Variants in KDM2B observed in about 807,000 individuals in gnomAD.
KDM2B encodes the protein lysine demethylase 2B.
KDM2B carries 26 observed loss-of-function variants against 150.0 expected under a neutral mutation model. That is an observed-to-expected ratio of 0.17 (90% CI 0.13 to 0.24). The LOEUF is 0.24. KDM2B is among the 10% of genes least tolerant of loss of function. The pLI is 1.00. For missense variants in KDM2B, 1,265 were observed against 1,816.9 expected (o/e 0.70, Z 5.52); for synonymous variants, 734 against 729.5 (o/e 1.01, Z -0.10).
intron 11 of KDM2B, among the ~76,000 whole-genome samples, chr12:121,507,386 G>C (rs1394515990): frequency 2.0e-5 from 3 of 152,096 alleles, no homozygotes. Flanking sequence ...GTACTCCAAA[G>C]GGTTGTTGGA....
chr12:121,442,140 C>CA lies in KDM2B; in HGVS notation c.3284+16dup, dbSNP rs529747492. The CA allele has an allele frequency of 1.2e-6, 2 of 1,611,928 alleles. No individual in the cohort carries two copies. The highest frequency in any genetic ancestry group is 2.2e-5 in the South Asian group (2 of 91,030). On this transcript the variant is annotated intron_variant, in intron 19 of 22. Transcript: ENST00000377071. The surrounding 1 kb of genome is among the most constrained non-coding windows in gnomAD (Gnocchi z 7.7). ...GCCTGAGCCTTAACCTAGAGCCCTACACAGGCCGCCGCTCACCAGCGGTTC... is the reference window on the plus strand; with the variant it reads ...GCCTGAGCCTTAACCTAGAGCCCTACAACAGGCCGCCGCTCACCAGCGGTTC...
intron 4 of KDM2B, among the ~76,000 whole-genome samples, chr12:121,551,106 C>A (rs1485726188): frequency 2.0e-5 from 3 of 152,268 alleles, no homozygotes; most frequent in Middle Eastern, 3.4e-3. Flanking sequence ...CTAGACAGAA[C>A]TCTCATGGAA....
At chr12:121,571,599 C>G (rs1891092498) in intron 4 of KDM2B, among the ~76,000 whole-genome samples, 1 of 150,696 alleles carries the variant, frequency 6.6e-6, no homozygotes, top group Non-Finnish European at 1.5e-5. Flanking sequence ...CAACCAACTT[C>G]TACATTTTAA....
chr12:121,573,834 G>A (rs1295275284), intron 4 of KDM2B, among the ~76,000 whole-genome samples: 1 of 151,748 alleles, frequency 6.6e-6, no homozygotes, highest in Admixed American at 6.6e-5. Context: ...TGATCCACCC[G>A]CCTCGGCCTC....
intron 12 of KDM2B, among the ~76,000 whole-genome samples, chr12:121,488,440 A>T (rs1290514525): frequency 2.6e-5 from 4 of 152,130 alleles, no homozygotes; most frequent in African/African-American, 9.7e-5. Flanking sequence ...ACAGGCCCGC[A>T]AGAAAGGCGC....
At chr12:121,489,753 A>G (rs1181089704) in intron 12 of KDM2B, among the ~76,000 whole-genome samples, 1 of 152,152 alleles carries the variant, frequency 6.6e-6, no homozygotes, top group African/African-American at 2.4e-5. Flanking sequence ...AGCAGCTTTC[A>G]GAAAGTGCAG....
intron 8 of KDM2B, among the ~76,000 whole-genome samples, chr12:121,529,985 T>TTGG: frequency 6.6e-6 from 1 of 150,784 alleles, no homozygotes; most frequent in Middle Eastern, 3.5e-3. Flanking sequence ...TCCCAGCACT[T>TTGG]TGGGAGGCCA....
At chr12:121,544,329 G>A (rs1888849130) in intron 6 of KDM2B, among the ~76,000 whole-genome samples, 1 of 151,796 alleles carries the variant, frequency 6.6e-6, no homozygotes, top group Non-Finnish European at 1.5e-5. Context: ...AAAGATTCCT[G>A]GCTGGGCATG....
At chr12:121,487,793 C>CTTTT (rs1248100789) in intron 12 of KDM2B, among the ~76,000 whole-genome samples, 235 of 135,754 alleles carry the variant, frequency 1.7e-3, no homozygotes, top group Middle Eastern at 3.8e-3. Context: ...GAAGCAGCTT[C>CTTTT]TTTTTTTTTT....
At chr12:121,412,499 T>C in the KDM2B span, among the ~76,000 whole-genome samples, 1 of 151,870 alleles carries the variant, frequency 6.6e-6, no homozygotes, top group Non-Finnish European at 1.5e-5. Flanking sequence ...TGCCTTGTCC[T>C]CCCAAACTGC....
the KDM2B span, among the ~76,000 whole-genome samples, chr12:121,414,859 C>T: frequency 6.6e-6 from 1 of 152,054 alleles, no homozygotes; most frequent in Non-Finnish European, 1.5e-5. Flanking sequence ...TTCGGGAGGC[C>T]GAGGTGGGTG....
At chr12:121,525,770 G>T (rs1887078223) in intron 8 of KDM2B, among the ~76,000 whole-genome samples, 1 of 152,186 alleles carries the variant, frequency 6.6e-6, no homozygotes, top group Non-Finnish European at 1.5e-5. Flanking sequence ...TCTCAGACTT[G>T]CTGGAGTGTA....
chr12:121,554,082 CACAA>C (rs1162882037), intron 4 of KDM2B, among the ~76,000 whole-genome samples: 2 of 144,120 alleles, frequency 1.4e-5, no homozygotes, highest in African/African-American at 5.3e-5. Flanking sequence ...CACACACACA[CACAA>C]ATTGGCCAAG....
At chr12:121,482,360 A>G (rs1330441843) in intron 12 of KDM2B, among the ~76,000 whole-genome samples, 1 of 151,870 alleles carries the variant, frequency 6.6e-6, no homozygotes, top group Non-Finnish European at 1.5e-5. Context: ...CTGGATCGCC[A>G]GGAGCTATCT....
Position 121,442,354 on chromosome 12 carries a change from G to A in KDM2B, c.3087C>T (p.Ser1029=), listed in dbSNP as rs372105258. ...TCTGGATACACTTGGGCGGGGACAC[G>A]GAGGGTGGGGGCCGGGAGATGACAC... ...PPRVISRPPP[S]VSPPKCIQME... is the part of the protein sequence containing the mutation. The change falls in exon 19 of 23, where the codon TCC becomes TCT. Residue 1029 remains serine, a synonymous_variant. Coordinates refer to ENST00000377071, the MANE Select transcript of KDM2B (RefSeq NM_032590.5). This position sits in a 1 kb window ranked among gnomAD's most constrained non-coding sequence, Gnocchi z 7.7. 1.4e-5 allele frequency: 22 copies of A among 1,586,476 alleles called. No individual in the cohort carries two copies. In the African/African-American group the frequency reaches 1.9e-4, roughly 14 times the overall value.
intron 6 of KDM2B, among the ~76,000 whole-genome samples, chr12:121,539,020 T>C (rs1451128618): frequency 3.9e-5 from 6 of 152,024 alleles, no homozygotes; most frequent in African/African-American, 1.4e-4. Context: ...ACAAGGGGGC[T>C]GGAAATGGTC....
Position 121,578,957 on chromosome 12 carries a change from C to G in KDM2B, c.127-11G>C. The G allele has an allele frequency of 1.2e-6, 2 of 1,610,134 alleles. No homozygotes were observed. Among genetic ancestry groups the G allele is most frequent in the Non-Finnish European group, 1.7e-6 (2 of 1,178,790 alleles). On this transcript the variant is annotated splice_polypyrimidine_tract_variant and intron_variant, in intron 1 of 22. Transcript: ENST00000377071. ...GCGGTCAATCGGGCGCTGCGAGGAC[C>G]CAAACCAGAGAGCCCGGGACATTAT...
intron 12 of KDM2B, among the ~76,000 whole-genome samples, chr12:121,486,274 A>T (rs1304117880): frequency 2.1e-5 from 3 of 142,344 alleles, no homozygotes; most frequent in Non-Finnish European, 3.0e-5. Context: ...ATGCCCGGCT[A>T]ATTTTTGTAT....
Position 121,441,329 on chromosome 12 carries a change from G to T in KDM2B, c.3285-96C>A, listed in dbSNP as rs1555288236. 2.4e-6 allele frequency: 3 copies of T among 1,257,678 alleles called. No homozygotes were observed. The African/African-American group carries it at 4.5e-5, about 19-fold the overall frequency. 77.9% of individuals were successfully genotyped at this position (1,257,678 alleles called of 1,614,324 possible). A position where few individuals can be genotyped will look rare whatever the true frequency, so the allele number is the denominator to read the frequency against. On this transcript the variant is annotated intron_variant, in intron 19 of 22. Coordinates refer to ENST00000377071, the MANE Select transcript of KDM2B (RefSeq NM_032590.5). ...AACTGTCCCCACCTAACAACCTCTG[G>T]GAGGCTCCTTAACTCAGCGCTCTGG...
Sources: gnomAD v4.1 joint callset for allele counts (sites outside exome capture counted in the v4.1 genomes callset) on GRCh38, gnomAD v4.1.1 for gene constraint, Gnocchi (gnomAD v3.1) non-coding constraint, MANE v1.5 for transcripts, NCBI Gene and HGNC (gene_info 2026-07-23, HGNC 2026-07-21) for gene names.